OR2A12: variants seen among roughly 807,000 people sequenced by gnomAD.
OR2A12 encodes olfactory receptor family 2 subfamily A member 12.
For synonymous variants in OR2A12, 153 were observed against 149.3 expected (o/e 1.02, Z -0.18); for missense variants, 380 against 372.5 (o/e 1.02, Z -0.17).
At chr7:144,090,405 A>T (rs1246468573) in intron 1 of OR2A12, among the ~76,000 whole-genome samples, 1 of 151,750 alleles carries the variant, frequency 6.6e-6, no homozygotes, top group Non-Finnish European at 1.5e-5. Context: ...ATGTATACAT[A>T]CATATGTGTA....
At position 144,098,499 on chromosome 7, in the gene OR2A12, A is replaced by G. The variant is rs2051282265; in HGVS notation, c.*2459A>G. 6.6e-6 allele frequency: 1 copy of G among 152,170 alleles called. No homozygotes were observed. The highest frequency in any genetic ancestry group is 2.4e-5 in the African/African-American group (1 of 41,438). 9.4% of individuals were successfully genotyped at this position (152,170 alleles called of 1,614,324 possible). On this transcript the variant is annotated 3_prime_UTR_variant, in exon 2 of 2. Coordinates refer to ENST00000641592, the MANE Select transcript of OR2A12 (RefSeq NM_001004135.2). ...TTTATTAATAATTTCTATTTTGCAC[A>G]TGAGAAGATCGAGGAACACAGAGGT...
rs1489871711 is a variant in OR2A12, at chr7:144,096,554, A to T, written c.*514A>T. 6.5e-6 allele frequency: 1 copy of T among 152,848 alleles called. No individual in the cohort carries two copies. Among genetic ancestry groups the T allele is most frequent in the East Asian group, 1.9e-4 (1 of 5,204 alleles). 9.5% of individuals were successfully genotyped at this position (152,848 alleles called of 1,614,324 possible). On this transcript the variant is annotated 3_prime_UTR_variant, in exon 2 of 2. Coordinates refer to ENST00000641592, the MANE Select transcript of OR2A12 (RefSeq NM_001004135.2). The stretch of plus-strand genomic sequence containing the variant: ...CTGAGATAAACTTATGAAACAGAAA[A>T]TCACAATCTAATCCTACTCATGAAC...
At position 144,095,750 on chromosome 7, in the gene OR2A12, G is replaced by A. The variant is rs2128803182; in HGVS notation, c.643G>A (p.Val215Ile). 1.2e-6 allele frequency: 2 copies of A among 1,614,116 alleles called. No individual in the cohort carries two copies. Among genetic ancestry groups the A allele is most frequent in the Non-Finnish European group, 8.5e-7 (1 of 1,180,030 alleles). Residue 215 changes from valine to isoleucine, a missense_variant, in exon 2 of 2, where the codon GTC becomes ATC. Physicochemically the swap from Val to Ile is conservative, Grantham distance 29. Transcript: ENST00000641592. ...ILVGPLCLVL[V>I]SYLHILVAIL... is the part of the protein sequence containing the mutation. ...AGTGGGGCCGCTCTGCCTGGTGCTG[G>A]TCTCCTACTTGCACATCCTGGTGGC...
Position 144,095,988 on chromosome 7 carries a change from C to G in OR2A12, c.881C>G (p.Ala294Gly), listed in dbSNP as rs375821150. Residue 294 changes from alanine (A) to glycine (G), a missense_variant, in exon 2 of 2, where the codon GCA (alanine) becomes GGA (glycine). Coordinates refer to ENST00000641592, the MANE Select transcript of OR2A12 (RefSeq NM_001004135.2). ...LNPLIYSLRN[A>G]EVKGALKRVL... ...CCCCTCATCTACAGCCTTAGGAATG[C>G]AGAGGTGAAAGGGGCTCTAAAGAGA... 46 of 1,612,774 alleles carry G rather than the reference C, an allele frequency of 2.9e-5. No individual in the cohort carries two copies. Among genetic ancestry groups the G allele is most frequent in the Non-Finnish European group, 3.7e-5 (44 of 1,179,454 alleles).
At chr7:144,086,960 C>T (rs796652693) in intron 1 of OR2A12, among the ~76,000 whole-genome samples, 4 of 152,258 alleles carry the variant, frequency 2.6e-5, no homozygotes, top group African/African-American at 9.6e-5. Context: ...CTTACAGTGT[C>T]AAAACGTTAC....
chr7:144,088,561 T>C (rs933099915), intron 1 of OR2A12, among the ~76,000 whole-genome samples: 1 of 152,254 alleles, frequency 6.6e-6, no homozygotes, highest in Admixed American at 6.5e-5. Flanking sequence ...GATTTGAATT[T>C]CATTGAAAGT....
rs1019587922 is a variant in OR2A12 at position 144,096,594 on chromosome 7, C to T, written c.*554C>T. 1 of 152,100 alleles carries T rather than the reference C, an allele frequency of 6.6e-6. No homozygotes were observed. The highest frequency in any genetic ancestry group is 1.5e-5 in the Non-Finnish European group (1 of 68,080). 9.4% of individuals were successfully genotyped at this position (152,100 alleles called of 1,614,324 possible). On this transcript the variant is annotated 3_prime_UTR_variant, in exon 2 of 2. Transcript: ENST00000641592. ...TACTCATGAACATAGATGCAAACCT[C>T]TTAAAGAAAATATTAATGAAACAAG...
chr7:144,089,201 T>G (rs1439019393), intron 1 of OR2A12, among the ~76,000 whole-genome samples: 1 of 152,174 alleles, frequency 6.6e-6, no homozygotes, highest in Non-Finnish European at 1.5e-5. Context: ...TCATTATTAT[T>G]GTATAGTATC....
chr7:144,098,864 T>C lies in OR2A12; in HGVS notation c.*2824T>C, dbSNP rs1403017669. ...CTTCTACCACCAGGAAGGAAAGTTA[T>C]CAGGATCATTGAAGGAGGACTTTCT... On this transcript the variant is annotated 3_prime_UTR_variant, in exon 2 of 2. Transcript: ENST00000641592. The C allele has an allele frequency of 3.3e-5, 5 of 152,182 alleles. No individual in the cohort carries two copies. The highest frequency in any genetic ancestry group is 1.2e-4 in the African/African-American group (5 of 41,446). 9.4% of individuals were successfully genotyped at this position (152,182 alleles called of 1,614,324 possible).
intron 1 of OR2A12, among the ~76,000 whole-genome samples, chr7:144,090,583 G>A (rs1001355620): frequency 1.3e-5 from 2 of 152,124 alleles, no homozygotes; most frequent in East Asian, 3.9e-4. Flanking sequence ...TTGTTACATA[G>A]GTAAATTCAT....
At position 144,096,934 on chromosome 7, in the gene OR2A12, C is replaced by T. The variant is rs1028142566; in HGVS notation, c.*894C>T. On this transcript the variant is annotated 3_prime_UTR_variant, in exon 2 of 2. Transcript: ENST00000641592. ...TGTCCTTTTCGGGTAAAGAATCAGA[C>T]ACAAAAAAAATCACTTGTTTTTCTT... The T allele has an allele frequency of 6.6e-5, 10 of 152,130 alleles. No individual in the cohort carries two copies. Among genetic ancestry groups the T allele is most frequent in the African/African-American group, 2.2e-4 (9 of 41,516 alleles). The allele number at this position is 152,130 out of a possible 1,614,324, so 9.4% of individuals were successfully genotyped here.
In OR2A12 at chr7:144,095,469, G is replaced by T. The variant is rs752325356; in HGVS notation, c.362G>T (p.Arg121Leu). 1.9e-6 allele frequency: 3 copies of T among 1,613,708 alleles called. No individual in the cohort carries two copies. Among genetic ancestry groups the T allele is most frequent in the Non-Finnish European group, 2.5e-6 (3 of 1,179,702 alleles). ...CLILVMMCYD[R>L]YVAICHPLQY... ...ATTTTGGTGATGATGTGCTATGATC[G>T]GTATGTGGCAATCTGTCACCCCTTG... The change falls in exon 2 of 2, where the codon CGG becomes CTG. Residue 121 changes from arginine to leucine, a missense_variant. Coordinates refer to ENST00000641592, the MANE Select transcript of OR2A12 (RefSeq NM_001004135.2).
rs115370834 is a variant in OR2A12, at chr7:144,096,119, A to G, written c.*79A>G. ...CCTGAAATTTCCTTTTTAATTCTTTAATTTACCACACCCAATACTGTTTAT... is the reference window on the plus strand; with the variant it reads ...CCTGAAATTTCCTTTTTAATTCTTTGATTTACCACACCCAATACTGTTTAT... On this transcript the variant is annotated 3_prime_UTR_variant, in exon 2 of 2. Transcript: ENST00000641592. The G allele has an allele frequency of 6.1e-4, 605 of 990,524 alleles. 5 individuals are homozygous for G. The African/African-American group carries it at 8.6e-3, about 14-fold the overall frequency. 61.4% of individuals were successfully genotyped at this position (990,524 alleles called of 1,614,324 possible).
At position 144,086,513 on chromosome 7, in the gene OR2A12, C is replaced by G. The variant is rs780178094; in HGVS notation, c.-82C>G. ...GGGAAGACATAGGATGGTGGGAAGA[C>G]GCTTCATATGTTGTTCTCTGGACTC... On this transcript the variant is annotated 5_prime_UTR_variant, in exon 1 of 2. Transcript: ENST00000641592. The G allele has an allele frequency of 1.3e-5, 2 of 152,290 alleles. No homozygotes were observed. Among genetic ancestry groups the G allele is most frequent in the African/African-American group, 4.8e-5 (2 of 41,402 alleles). The allele number at this position is 152,290 out of a possible 1,614,324, so 9.4% of individuals were successfully genotyped here.
Position 144,086,785 on chromosome 7 carries a change from G to A in OR2A12, c.-52+242G>A, listed in dbSNP as rs534528818. Among the ~76,000 whole-genome samples the A allele has an allele frequency of 2.4e-4, 36 of 152,254 alleles. 1 individual carries two copies. Among genetic ancestry groups the A allele is most frequent in the African/African-American group, 8.4e-4 (35 of 41,550 alleles). ...AATACCAGAAATAGTATCTTCCTTT[G>A]TATTAATCATTATTTATACACTGAT... is the stretch of plus-strand genomic sequence containing the variant. On this transcript the variant is annotated intron_variant, in intron 1 of 1. Coordinates refer to ENST00000641592, the MANE Select transcript of OR2A12 (RefSeq NM_001004135.2).
At chr7:144,089,659 A>G (rs2128802319) in intron 1 of OR2A12, among the ~76,000 whole-genome samples, 1 of 151,728 alleles carries the variant, frequency 6.6e-6, no homozygotes, top group African/African-American at 2.4e-5. Context: ...TATTTTGTTT[A>G]TTTTTTATGA....
At position 144,095,192 on chromosome 7, in the gene OR2A12, T is replaced by G; in HGVS notation, c.85T>G (p.Phe29Val). The change falls in exon 2 of 2, where the codon TTT becomes GTT. Residue 29 changes from phenylalanine to valine, a missense_variant. Phe to Val is a conservative substitution (Grantham distance 50). Coordinates refer to ENST00000641592, the MANE Select transcript of OR2A12 (RefSeq NM_001004135.2). ...DPALELFLFG[F>V]FLLFYSLTLM... ...AGCTCTGGAGTTGTTCCTCTTTGGG[T>G]TTTTCTTGCTATTCTACAGCTTAAC... The G allele has an allele frequency of 6.2e-7, 1 of 1,613,922 alleles. No individual in the cohort carries two copies. Among genetic ancestry groups the G allele is most frequent in the Non-Finnish European group, 8.5e-7 (1 of 1,179,950 alleles).
intron 1 of OR2A12, among the ~76,000 whole-genome samples, chr7:144,087,718 A>C (rs2051197288): frequency 6.6e-6 from 1 of 152,262 alleles, no homozygotes; most frequent in Admixed American, 6.5e-5. Context: ...AGGAAAACAG[A>C]ATCCTGTCTG....
intron 1 of OR2A12, among the ~76,000 whole-genome samples, chr7:144,093,700 T>C (rs2051241923): frequency 6.7e-6 from 1 of 149,954 alleles, no homozygotes; most frequent in Non-Finnish European, 1.5e-5. Context: ...ATTGCTCATT[T>C]CCCACCTATG....
Sources: allele counts gnomAD v4.1 joint callset (sites outside exome capture counted in the v4.1 genomes callset), GRCh38; gene constraint gnomAD v4.1.1; transcripts MANE v1.5; gene names NCBI Gene and HGNC (gene_info 2026-07-23, HGNC 2026-07-21).